The following SUMF1 variants were observed in gnomAD, a reference collection of about 807,000 sequenced individuals.
The protein encoded by SUMF1 is formylglycine-generating enzyme.
A neutral mutation model predicts 47.6 loss-of-function variants in SUMF1; 48 were observed. The ratio of observed to expected loss-of-function variants is 1.01; its 90% CI spans 0.80 to 1.28. SUMF1 has a LOEUF of 1.28. Among genes scored for constraint, SUMF1 ranks in the 50% most tolerant of loss-of-function variants. SUMF1 has a pLI of 0.00. For missense variants in SUMF1, 571 were observed against 485.4 expected (o/e 1.18, Z -1.66); for synonymous variants, 230 against 192.1 (o/e 1.20, Z -1.63).
chr3:4,321,660 A>ATGAT (rs999638473), intron 8 of SUMF1, among the ~76,000 whole-genome samples: 4 of 152,244 alleles, frequency 2.6e-5, no homozygotes, highest in African/African-American at 9.6e-5. Flanking sequence ...ATATAAATAA[A>ATGAT]TGATTGAATC....
intron 3 of SUMF1, among the ~76,000 whole-genome samples, chr3:4,430,020 T>C (rs112330214): frequency 1.4e-4 from 21 of 152,328 alleles, no homozygotes; most frequent in African/African-American, 5.1e-4. Context: ...AGATATCTAC[T>C]GAAATTCCCT....
At chr3:4,273,802 G>C (rs2125039109) in intron 8 of SUMF1, among the ~76,000 whole-genome samples, 1 of 139,044 alleles carries the variant, frequency 7.2e-6, no homozygotes, top group East Asian at 2.2e-4. Flanking sequence ...GGGAGGGCAT[G>C]GGAGGGGAGG....
chr3:4,077,319 G>A (rs571096118), intron 8 of SUMF1, among the ~76,000 whole-genome samples: 2 of 152,126 alleles, frequency 1.3e-5, no homozygotes, highest in East Asian at 3.9e-4. Context: ...TATACCCAAA[G>A]GATTATAAAT....
At chr3:4,135,589 C>T (rs923773712) in intron 8 of SUMF1, among the ~76,000 whole-genome samples, 1 of 152,160 alleles carries the variant, frequency 6.6e-6, no homozygotes, top group African/African-American at 2.4e-5. Flanking sequence ...TCTGTCACCA[C>T]TCCGATTCCA....
chr3:4,466,900 T>G (rs1247268599), intron 1 of SUMF1, 76 bp downstream of exon 1: 2 of 1,555,348 alleles, frequency 1.3e-6, no homozygotes, highest in Non-Finnish European at 1.7e-6. Flanking sequence ...TTCCTACTAG[T>G]GCCTTGCTTT....
intron 7 of SUMF1, among the ~76,000 whole-genome samples, chr3:4,394,631 TC>T (rs747149748): frequency 1.3e-5 from 2 of 152,222 alleles, no homozygotes; most frequent in African/African-American, 4.8e-5. Context: ...TTTATGTTTC[TC>T]GTTAGGATGT....
At chr3:4,455,730 A>G (rs1172309107) in intron 1 of SUMF1, among the ~76,000 whole-genome samples, 1 of 152,054 alleles carries the variant, frequency 6.6e-6, no homozygotes, top group Non-Finnish European at 1.5e-5. Flanking sequence ...TAATAATAAT[A>G]ATAATAATAA....
chr3:4,220,473 C>T (rs1301464369), intron 8 of SUMF1, among the ~76,000 whole-genome samples: 3 of 152,080 alleles, frequency 2.0e-5, no homozygotes, highest in Admixed American at 1.3e-4. Context: ...TTCTGTGAAA[C>T]CACAGAATGT....
At chr3:4,394,153 C>T (rs932742769) in intron 7 of SUMF1, among the ~76,000 whole-genome samples, 2 of 151,820 alleles carry the variant, frequency 1.3e-5, no homozygotes, top group Admixed American at 6.6e-5. Context: ...TTAGCTTTTA[C>T]AGTCACATAC....
At chr3:4,332,950 G>T (rs932094842) in intron 8 of SUMF1, among the ~76,000 whole-genome samples, 1 of 152,194 alleles carries the variant, frequency 6.6e-6, no homozygotes, top group Non-Finnish European at 1.5e-5. Flanking sequence ...GAGAAGAAAA[G>T]AAACATTGGG....
chr3:4,463,603 A>G (rs1348317351), intron 1 of SUMF1, among the ~76,000 whole-genome samples: 3 of 152,204 alleles, frequency 2.0e-5, no homozygotes, highest in African/African-American at 7.2e-5. Context: ...TAGAAAAACT[A>G]CTTCTTTGTA....
intron 9 of SUMF1, among the ~76,000 whole-genome samples, chr3:4,055,180 T>C (rs1189219665): frequency 6.6e-6 from 1 of 152,070 alleles, no homozygotes; most frequent in African/African-American, 2.4e-5. Flanking sequence ...TGAAAAGTAC[T>C]ATGGTACAAA....
chr3:4,394,505 G>T (rs1028921796), intron 7 of SUMF1, among the ~76,000 whole-genome samples: 21 of 152,144 alleles, frequency 1.4e-4, no homozygotes, highest in Non-Finnish European at 2.6e-4. Flanking sequence ...TTTGGGGTTG[G>T]TTTTAAAGTA....
intron 7 of SUMF1, among the ~76,000 whole-genome samples, chr3:4,400,051 T>G (rs7612868): frequency 0.037 from 5,586 of 152,178 alleles, 322 homozygotes; most frequent in African/African-American, 0.13. Flanking sequence ...GAGCCTAAAT[T>G]TCTGTTCTCG....
intron 8 of SUMF1, among the ~76,000 whole-genome samples, chr3:4,341,529 G>A (rs558537417): frequency 1.3e-5 from 2 of 151,852 alleles, no homozygotes; most frequent in Non-Finnish European, 2.9e-5. Context: ...ATACAATAGT[G>A]TTATATCCAA....
chr3:4,067,676 A>G (rs111839595), intron 9 of SUMF1, among the ~76,000 whole-genome samples: 3,024 of 152,302 alleles, frequency 0.02, 54 homozygotes, highest in Non-Finnish European at 0.035. Flanking sequence ...GGACATTAAC[A>G]CAGTACACAA....
At chr3:4,195,417 T>C (rs6769118) in intron 8 of SUMF1, among the ~76,000 whole-genome samples, 64,797 of 151,892 alleles carry the variant, frequency 0.43, 15,067 homozygotes, top group Non-Finnish European at 0.54. Context: ...ATGATACTTA[T>C]ACAATGTTGG....
At chr3:4,223,713 C>T (rs780977023) in intron 8 of SUMF1, among the ~76,000 whole-genome samples, 3 of 152,110 alleles carry the variant, frequency 2.0e-5, no homozygotes, top group Non-Finnish European at 4.4e-5. Flanking sequence ...TGTCAAAAGT[C>T]TCCCTCTCTC....
intron 8 of SUMF1, among the ~76,000 whole-genome samples, chr3:4,221,945 A>AT (rs149563974): frequency 0.024 from 3,636 of 150,420 alleles, 151 homozygotes; most frequent in African/African-American, 0.083. Context: ...ATATCCTCTG[A>AT]TTTTTTTTTG....
Sources: gnomAD v4.1 joint callset for allele counts (sites outside exome capture counted in the v4.1 genomes callset) on GRCh38, gnomAD v4.1.1 for gene constraint, MANE v1.5 for transcripts, NCBI Gene and HGNC (gene_info 2026-07-23, HGNC 2026-07-21) for gene names.